Variants in UXS1 observed in about 807,000 individuals in gnomAD.
The protein encoded by UXS1 is UDP-glucuronate decarboxylase 1.
In UXS1, 33 loss-of-function variants were observed where a neutral mutation model predicts 62.6. That is an observed-to-expected ratio of 0.53 (90% CI 0.40 to 0.70). The LOEUF is 0.70. UXS1 is among the 30% of genes least tolerant of loss of function. The probability of loss-of-function intolerance (pLI) is 0.00; values close to 1 mark genes in which losing one functional copy is unlikely to be tolerated. For missense variants in UXS1, 434 were observed against 556.3 expected (o/e 0.78, Z 2.21); for synonymous variants, 213 against 206.8 (o/e 1.03, Z -0.26).
At chr2:106,181,731 A>T (rs558562965) in intron 1 of UXS1, among the ~76,000 whole-genome samples, 118 of 152,222 alleles carry the variant, frequency 7.8e-4, no homozygotes, top group African/African-American at 2.3e-3. Flanking sequence ...AAATAAATAA[A>T]TTTTTTTAAA....
At chr2:106,165,309 T>A (rs1270291583) in intron 2 of UXS1, among the ~76,000 whole-genome samples, 1 of 152,046 alleles carries the variant, frequency 6.6e-6, no homozygotes, top group African/African-American at 2.4e-5. Flanking sequence ...AAAACCCAAC[T>A]CCACATGAAA....
At chr2:106,190,357 CAA>C (rs1684837256) in intron 1 of UXS1, among the ~76,000 whole-genome samples, 2 of 152,140 alleles carry the variant, frequency 1.3e-5, no homozygotes, top group African/African-American at 4.8e-5. Flanking sequence ...TCCCAAAGAA[CAA>C]AGTCACTAGG....
intron 8 of UXS1, among the ~76,000 whole-genome samples, chr2:106,125,201 C>T (rs1354465662): frequency 6.6e-6 from 1 of 152,206 alleles, no homozygotes; most frequent in East Asian, 1.9e-4. Context: ...CAGCGCATGT[C>T]TCTTCTCCCA....
At chr2:106,117,558 C>T (rs943519950) in intron 9 of UXS1, among the ~76,000 whole-genome samples, 3 of 152,106 alleles carry the variant, frequency 2.0e-5, no homozygotes, top group African/African-American at 4.8e-5. Flanking sequence ...TATTCGCTGA[C>T]GGAAGGTTCT....
intron 9 of UXS1, among the ~76,000 whole-genome samples, chr2:106,115,320 C>G (rs895239178): frequency 3.3e-5 from 5 of 152,226 alleles, no homozygotes; most frequent in Admixed American, 6.5e-5. Context: ...CTCTGAAGGA[C>G]CAAGAAGCAA....
intron 14 of UXS1, among the ~76,000 whole-genome samples, chr2:106,094,387 A>G (rs1676911997): frequency 6.6e-6 from 1 of 151,976 alleles, no homozygotes; most frequent in Admixed American, 6.6e-5. Context: ...TGTGGAGCTG[A>G]CAAGTGTCAC....
At chr2:106,166,836 T>C (rs140316123) in intron 1 of UXS1, among the ~76,000 whole-genome samples, 143 of 152,242 alleles carry the variant, frequency 9.4e-4, no homozygotes, top group African/African-American at 3.3e-3. Flanking sequence ...GATGCATGTG[T>C]TTTGATAAAC....
At chr2:106,142,826 G>C (rs1681227673) in intron 6 of UXS1, among the ~76,000 whole-genome samples, 1 of 152,172 alleles carries the variant, frequency 6.6e-6, no homozygotes. Flanking sequence ...AATGCCAACT[G>C]AGGGAACGCA....
chr2:106,139,068 C>A (rs1367939194), intron 6 of UXS1, among the ~76,000 whole-genome samples: 3 of 146,710 alleles, frequency 2.0e-5, no homozygotes, highest in Non-Finnish European at 4.6e-5. Context: ...ACCCTCACAG[C>A]CCAGGACAAA....
intron 4 of UXS1, 62 bp downstream of exon 4, chr2:106,163,605 T>C: frequency 8.2e-7 from 1 of 1,217,714 alleles, no homozygotes; most frequent in Non-Finnish European, 1.1e-6. Context: ...CAAACAGAAT[T>C]AATTACTCAA....
chr2:106,122,048 T>C (rs1327826023), intron 9 of UXS1, among the ~76,000 whole-genome samples: 1 of 152,128 alleles, frequency 6.6e-6, no homozygotes, highest in Non-Finnish European at 1.5e-5. Flanking sequence ...CACTTGCCCC[T>C]CCTACAGAGC....
intron 8 of UXS1, 82 bp from the exon 9 acceptor site, chr2:106,123,173 G>A (rs1679658220): frequency 1.9e-6 from 3 of 1,573,300 alleles, no homozygotes; most frequent in South Asian, 2.3e-5. Flanking sequence ...GATGCAAAAG[G>A]GAACTTCGGA....
chr2:106,186,719 G>A (rs1319133319), intron 1 of UXS1, among the ~76,000 whole-genome samples: 1 of 152,126 alleles, frequency 6.6e-6, no homozygotes, highest in Non-Finnish European at 1.5e-5. Context: ...TCAGGAGCCT[G>A]AGGCAGGAGG....
rs1680853460 is a variant in UXS1 at position 106,138,639 on chromosome 2, A to G, written c.472+6551T>C. 5 of 985,514 alleles carry G rather than the reference A, an allele frequency of 5.1e-6. No homozygotes were observed. The South Asian group carries it at 1.9e-4, about 37-fold the overall frequency. 61.0% of individuals were successfully genotyped at this position (985,514 alleles called of 1,614,324 possible). A position where few individuals can be genotyped will look rare whatever the true frequency, so the allele number is the denominator to read the frequency against. On this transcript the variant is annotated intron_variant, in intron 6 of 14. Coordinates refer to ENST00000283148, the MANE Select transcript of UXS1 (RefSeq NM_001253875.2). ...GTAAACTGGGGTTTTTCCATCCCCA[A>G]AGGCCATTCCATCTGGTTCAGTGTT...
intron 6 of UXS1, among the ~76,000 whole-genome samples, chr2:106,130,950 A>T (rs1342399816): frequency 6.6e-6 from 1 of 152,086 alleles, no homozygotes; most frequent in Non-Finnish European, 1.5e-5. Flanking sequence ...TCCCAGCGTG[A>T]GCGACGCAGA....
At chr2:106,113,537 G>A (rs1488345591) in intron 9 of UXS1, among the ~76,000 whole-genome samples, 1 of 152,156 alleles carries the variant, frequency 6.6e-6, no homozygotes, top group African/African-American at 2.4e-5. Context: ...AATCATGGAA[G>A]TGCATACTTG....
intron 6 of UXS1, among the ~76,000 whole-genome samples, chr2:106,137,771 GACA>G (rs1467301464): frequency 1.6e-4 from 24 of 152,048 alleles, no homozygotes; most frequent in African/African-American, 5.1e-4. Context: ...CCGCAGCATG[GACA>G]ACAAGAGCAA....
intron 9 of UXS1, among the ~76,000 whole-genome samples, chr2:106,120,684 A>G (rs1679450909): frequency 6.6e-6 from 1 of 152,208 alleles, no homozygotes; most frequent in Admixed American, 6.5e-5. Context: ...TCCCAGTGTG[A>G]CGGAAAGCAG....
intron 10 of UXS1, among the ~76,000 whole-genome samples, chr2:106,108,638 A>G (rs927062858): frequency 6.6e-6 from 1 of 152,228 alleles, no homozygotes. Context: ...TTCGTGCAAG[A>G]GTCAAGGCTG....
Sources: allele counts gnomAD v4.1 joint callset (sites outside exome capture counted in the v4.1 genomes callset), GRCh38; gene constraint gnomAD v4.1.1; transcripts MANE v1.5; gene names NCBI Gene and HGNC (gene_info 2026-07-23, HGNC 2026-07-21).